The following FAM222B variants were observed in gnomAD, a reference collection of about 807,000 sequenced individuals.
FAM222B encodes the protein protein FAM222B.
FAM222B carries 12 observed loss-of-function variants against 38.0 expected under a neutral mutation model. The observed-to-expected ratio is 0.32, with a 90% CI of 0.20 to 0.51. FAM222B has a LOEUF of 0.51. Ranked by LOEUF, FAM222B falls within the 20% of genes least tolerant of loss-of-function variation. The pLI, the probability that FAM222B is intolerant of heterozygous loss-of-function variation, is 0.97. For synonymous variants in FAM222B, 329 were observed against 317.2 expected, an observed-to-expected ratio of 1.04 and a Z score of -0.40; for missense variants, 716 against 754.2, an observed-to-expected ratio of 0.95 and a Z score of 0.59.
chr17:28,826,966 C>T lies in FAM222B; in HGVS notation c.-41+15716G>A, dbSNP rs371699900. 1.5e-4 allele frequency among the ~76,000 whole-genome samples: 23 copies of T among 152,134 alleles called. No individual in the cohort carries two copies. The East Asian group carries it at 4.1e-3, about 27-fold the overall frequency. ...GACCAGCATTGGCAATATAGCAAGA[C>T]CTTGTCTTTGCCAAAAAAATTTTTT... On this transcript the variant is annotated intron_variant, in intron 1 of 2. Coordinates refer to ENST00000581407, the MANE Select transcript of FAM222B (RefSeq NM_001077498.3).
At chr17:28,787,692 G>A (rs1197843652) in intron 1 of FAM222B, among the ~76,000 whole-genome samples, 1 of 152,138 alleles carries the variant, frequency 6.6e-6, no homozygotes, top group African/African-American at 2.4e-5. Flanking sequence ...AGGAAAAACA[G>A]ATATACAGTC....
In FAM222B at chr17:28,807,693, T is replaced by G. The variant is rs538291142; in HGVS notation, c.-41+34989A>C. 3.1e-4 allele frequency among the ~76,000 whole-genome samples: 47 copies of G among 152,290 alleles called. No homozygotes were observed. The East Asian group carries it at 7.7e-3, about 25-fold the overall frequency. On this transcript the variant is annotated intron_variant, in intron 1 of 2. Coordinates refer to ENST00000581407, the MANE Select transcript of FAM222B (RefSeq NM_001077498.3). ...GAGTCACCACATCTGGCCCAAACTC[T>G]TGTCTTAACCTTTTGTGAGACGTTT...
intron 1 of FAM222B, among the ~76,000 whole-genome samples, chr17:28,786,013 T>C (rs2036395885): frequency 6.6e-6 from 1 of 152,124 alleles, no homozygotes; most frequent in Non-Finnish European, 1.5e-5. Context: ...TTTGTATTTT[T>C]AGTAGAGACG....
chr17:28,789,626 G>C (rs2036577663), intron 1 of FAM222B, among the ~76,000 whole-genome samples: 1 of 152,132 alleles, frequency 6.6e-6, no homozygotes, highest in South Asian at 2.1e-4. Flanking sequence ...AATGAGAAGA[G>C]TACTGGATGC....
rs139030230 is a variant in FAM222B at position 28,795,226 on chromosome 17, C to A, written c.-40-28519G>T. Among the ~76,000 whole-genome samples the A allele has an allele frequency of 5.2e-3, 793 of 152,270 alleles. 5 individuals carry two copies. The highest frequency in any genetic ancestry group is 8.8e-3 in the Non-Finnish European group (600 of 68,028). ...GGAGTACAGTGATGGGATCTCATAT[C>A]ACGGCAACCTCCACTTCAAGCGATT... On this transcript the variant is annotated intron_variant, in intron 1 of 2. Coordinates refer to ENST00000581407, the MANE Select transcript of FAM222B (RefSeq NM_001077498.3).
rs2035360352 is a variant in FAM222B, at chr17:28,766,951, A to G, written c.-40-244T>C. 7.5e-6 allele frequency: 3 copies of G among 397,354 alleles called. No individual in the cohort carries two copies. In the Admixed American group the frequency reaches 1.2e-4, roughly 16 times the overall value. 24.6% of individuals were successfully genotyped at this position (397,354 alleles called of 1,614,324 possible). On this transcript the variant is annotated intron_variant, in intron 1 of 2. Coordinates refer to ENST00000581407, the MANE Select transcript of FAM222B (RefSeq NM_001077498.3). Reference sequence around the variant, plus strand: ...TATGGATGGGAGAAATAAAACTGGAAAGCACCTATTCATACAACTGGAAAG... The same window carrying G: ...TATGGATGGGAGAAATAAAACTGGAGAGCACCTATTCATACAACTGGAAAG...
At chr17:28,799,328 C>T (rs1243128352) in intron 1 of FAM222B, among the ~76,000 whole-genome samples, 34 of 130,346 alleles carry the variant, frequency 2.6e-4, no homozygotes, top group African/African-American at 7.8e-4. Context: ...GACCGAGTCT[C>T]GGTCTGTCGC....
intron 1 of FAM222B, among the ~76,000 whole-genome samples, chr17:28,786,871 G>A (rs2036432762): frequency 6.8e-6 from 1 of 147,262 alleles, no homozygotes; most frequent in Non-Finnish European, 1.5e-5. Flanking sequence ...TTTACTTATA[G>A]CTAACACACT....
chr17:28,766,865 TGAC>T, intron 1 of FAM222B, 158 bp from the exon 2 acceptor site: 1 of 548,270 alleles, frequency 1.8e-6, no homozygotes. Context: ...TCTTTATCTG[TGAC>T]GACAATTTGC....
intron 1 of FAM222B, among the ~76,000 whole-genome samples, chr17:28,789,740 G>A (rs1378936362): frequency 1.3e-5 from 2 of 152,210 alleles, no homozygotes; most frequent in East Asian, 3.8e-4. Flanking sequence ...TTGGAGAATT[G>A]ACTGAGGCAG....
At chr17:28,785,458 C>T (rs913546439) in intron 1 of FAM222B, among the ~76,000 whole-genome samples, 2 of 152,148 alleles carry the variant, frequency 1.3e-5, no homozygotes, top group East Asian at 1.9e-4. Context: ...CATATTATAT[C>T]CCTCTGATTA....
chr17:28,759,784 T>C lies in FAM222B; in HGVS notation c.175A>G (p.Ile59Val). ...AKKVANNPLT[I>V]KIFPNSVKVP... ...TTCACACTGTTGGGGAAGATTTTTA[T>C]AGTCAGTGGGTTGTTTGCGACCTTC... The change falls in exon 3 of 3, where the codon ATA (isoleucine) becomes GTA (valine). Residue 59 changes from isoleucine to valine, a missense_variant. Ile to Val is a conservative substitution (Grantham distance 29, BLOSUM62 3). Transcript: ENST00000581407. This position sits in a 1 kb window ranked among gnomAD's most constrained non-coding sequence, Gnocchi z 4.8. 6.2e-7 allele frequency: 1 copy of C among 1,612,550 alleles called. No homozygotes were observed. The highest frequency in any genetic ancestry group is 1.1e-5 in the South Asian group (1 of 90,686).
intron 1 of FAM222B, among the ~76,000 whole-genome samples, chr17:28,776,476 A>G (rs1236195875): frequency 1.6e-4 from 9 of 57,474 alleles, no homozygotes; most frequent in African/African-American, 4.0e-4. Flanking sequence ...TTTTTTTTTG[A>G]GACAGGGTCT....
chr17:28,778,991 T>A (rs1210446804), intron 1 of FAM222B, among the ~76,000 whole-genome samples: 1 of 151,886 alleles, frequency 6.6e-6, no homozygotes, highest in African/African-American at 2.4e-5. Context: ...TTCATAATTC[T>A]AAGCAGAGTT....
exon 1 of FAM222B, chr17:28,854,987 A>C (rs1421272078): frequency 1.3e-6 from 2 of 1,517,218 alleles, no homozygotes; most frequent in Non-Finnish European, 1.8e-6. Context: ...CGCTCTGTTC[A>C]ATCGTAGGAG....
chr17:28,816,791 C>T (rs894346123), intron 1 of FAM222B, among the ~76,000 whole-genome samples: 11 of 152,102 alleles, frequency 7.2e-5, no homozygotes, highest in African/African-American at 2.7e-4. Context: ...GTTCATTAGA[C>T]TTCAAGAGAA....
intron 1 of FAM222B, chr17:28,849,625 G>C (rs1391126816): frequency 1.3e-5 from 2 of 152,036 alleles, no homozygotes; most frequent in African/African-American, 4.8e-5. Context: ...TCCTCTTTAG[G>C]AAGTGGCCAA....
intron 1 of FAM222B, among the ~76,000 whole-genome samples, chr17:28,812,651 G>C (rs889431969): frequency 2.6e-5 from 4 of 152,068 alleles, no homozygotes; most frequent in Non-Finnish European, 5.9e-5. Flanking sequence ...CTCTTTGTTA[G>C]CGCTGCCCCC....
chr17:28,822,864 TAC>T (rs1555585795), intron 1 of FAM222B, among the ~76,000 whole-genome samples: 3 of 79,976 alleles, frequency 3.8e-5, no homozygotes, highest in South Asian at 4.6e-4. Context: ...TATATATATA[TAC>T]ACACATATAT....
Sources: gnomAD v4.1 joint callset for allele counts (sites outside exome capture counted in the v4.1 genomes callset) on GRCh38, gnomAD v4.1.1 for gene constraint, Gnocchi (gnomAD v3.1) non-coding constraint, MANE v1.5 for transcripts, NCBI Gene and HGNC (gene_info 2026-07-23, HGNC 2026-07-21) for gene names.